The following PRMT8 variants were observed in gnomAD, a reference collection of about 807,000 sequenced individuals.
PRMT8 encodes the protein protein arginine methyltransferase 8.
A neutral mutation model predicts 47.1 loss-of-function variants in PRMT8; 7 were observed. The observed-to-expected ratio is 0.15, with a 90% CI of 0.08 to 0.28. The LOEUF (loss-of-function observed/expected upper bound fraction) is 0.28. Ranked by LOEUF, PRMT8 falls within the 10% of genes least tolerant of loss-of-function variation. PRMT8 has a pLI of 1.00. For synonymous variants in PRMT8, 188 were observed against 186.5 expected (o/e 1.01, Z -0.07); for missense variants, 237 against 505.4 (o/e 0.47, Z 5.09).
chr12:3,558,845 A>G (rs536106874), intron 4 of PRMT8, among the ~76,000 whole-genome samples: 4 of 152,342 alleles, frequency 2.6e-5, no homozygotes, highest in East Asian at 1.9e-4. Flanking sequence ...AGCCTTCGCC[A>G]TGGGAAAGCT....
At chr12:3,546,713 T>A (rs1464586548) in intron 2 of PRMT8, among the ~76,000 whole-genome samples, 1 of 152,186 alleles carries the variant, frequency 6.6e-6, no homozygotes, top group Non-Finnish European at 1.5e-5. Flanking sequence ...CAGGCATATA[T>A]GGTTTTACTG....
At chr12:3,549,186 T>C (rs2159404) in intron 2 of PRMT8, among the ~76,000 whole-genome samples, 60,768 of 152,076 alleles carry the variant, frequency 0.4, 12,539 homozygotes, top group East Asian at 0.49. Context: ...ATTTTGGTTA[T>C]GGTGGTGCTT....
At chr12:3,495,986 T>G (rs917137176) in intron 1 of PRMT8, among the ~76,000 whole-genome samples, 1 of 151,990 alleles carries the variant, frequency 6.6e-6, no homozygotes, top group African/African-American at 2.4e-5. Context: ...CTCATCTGAA[T>G]AGCAGATAAA....
chr12:3,532,611 CAAAAAAAAA>C (rs35698030), intron 1 of PRMT8, among the ~76,000 whole-genome samples: 3 of 24,642 alleles, frequency 1.2e-4, no homozygotes, highest in African/African-American at 3.4e-4. Context: ...GACTCCGTCT[CAAAAAAAAA>C]AAAAAAAAAA....
At chr12:3,475,594 A>C (rs1412350596) in intron 1 of PRMT8, among the ~76,000 whole-genome samples, 1 of 152,208 alleles carries the variant, frequency 6.6e-6, no homozygotes, top group African/African-American at 2.4e-5. Flanking sequence ...AGAGAACGCT[A>C]CCACCTCCTG....
intron 1 of PRMT8, among the ~76,000 whole-genome samples, chr12:3,446,382 G>A (rs779366003): frequency 6.6e-6 from 1 of 151,966 alleles, no homozygotes; most frequent in African/African-American, 2.4e-5. Flanking sequence ...ACTGTGAGCC[G>A]GCTCTCTCTG....
chr12:3,421,620 A>G (rs1441049750), intron 1 of PRMT8, among the ~76,000 whole-genome samples: 1 of 152,170 alleles, frequency 6.6e-6, no homozygotes, highest in Non-Finnish European at 1.5e-5. Context: ...TTTGAGACAC[A>G]AGAGCCTGAT....
chr12:3,546,742 T>C (rs1322183604), intron 2 of PRMT8, among the ~76,000 whole-genome samples: 1 of 152,108 alleles, frequency 6.6e-6, no homozygotes, highest in Non-Finnish European at 1.5e-5. Flanking sequence ...TAATAAACAT[T>C]TAAAGAAGAA....
intron 2 of PRMT8, among the ~76,000 whole-genome samples, chr12:3,543,197 A>G (rs1031384659): frequency 1.3e-5 from 2 of 152,106 alleles, no homozygotes. Context: ...GCTATAGACC[A>G]TCTCATAGGT....
chr12:3,553,306 G>T (rs906077750), intron 3 of PRMT8: 1 of 341,670 alleles, frequency 2.9e-6, no homozygotes, highest in Non-Finnish European at 5.4e-6. Context: ...GCCTTCCCGC[G>T]TCCCCCACGG....
intron 4 of PRMT8, among the ~76,000 whole-genome samples, chr12:3,559,023 A>G (rs1866584222): frequency 6.7e-6 from 1 of 148,180 alleles, no homozygotes; most frequent in African/African-American, 2.5e-5. Flanking sequence ...AATCTATCTA[A>G]TCTAGCTGTC....
At chr12:3,402,000 CA>C (rs1468465007) in intron 1 of PRMT8, among the ~76,000 whole-genome samples, 1 of 152,044 alleles carries the variant, frequency 6.6e-6, no homozygotes, top group East Asian at 1.9e-4. Flanking sequence ...CATATGGAAC[CA>C]AAAAAGAGCC....
intron 1 of PRMT8, among the ~76,000 whole-genome samples, chr12:3,449,542 GA>G (rs1864896368): frequency 1.3e-5 from 2 of 152,166 alleles, no homozygotes; most frequent in Non-Finnish European, 2.9e-5. Flanking sequence ...CTTCTTTTGA[GA>G]AATGTCTGTT....
At chr12:3,435,299 C>T (rs545261978) in intron 1 of PRMT8, among the ~76,000 whole-genome samples, 3 of 152,072 alleles carry the variant, frequency 2.0e-5, no homozygotes, top group African/African-American at 2.4e-5. Context: ...GCAGAAAGGG[C>T]GTTGAGCTGG....
In PRMT8 at chr12:3,466,414, G is replaced by A. The variant is rs527652528; in HGVS notation, c.49-74192G>A. Among the ~76,000 whole-genome samples, 4 of 152,282 alleles carry A rather than the reference G, an allele frequency of 2.6e-5. No homozygotes were observed. In the East Asian group the frequency reaches 7.7e-4, roughly 29 times the overall value. On this transcript the variant is annotated intron_variant, in intron 1 of 9. Coordinates refer to the PRMT8 transcript ENST00000452611. The stretch of plus-strand genomic sequence containing the variant: ...GGCCAGGTCTCACAGTCTGAGTGGA[G>A]TCCTGGCCCTGTTGTAGGTTAGTAG...
Position 3,492,791 on chromosome 12 carries a change from T to A in PRMT8, c.75+1091T>A, listed in dbSNP as rs1865443779. ...GAGTGGGGCATGTGTGTGAAGATCATCCCTTACTCAGTGGCAGGAAAAAGA... is the reference window on the plus strand; with the variant it reads ...GAGTGGGGCATGTGTGTGAAGATCAACCCTTACTCAGTGGCAGGAAAAAGA... On this transcript the variant is annotated intron_variant, in intron 1 of 9. Transcript: ENST00000382622. This position sits in a 1 kb window ranked among gnomAD's most constrained non-coding sequence, Gnocchi z 7.5. 2.0e-5 allele frequency among the ~76,000 whole-genome samples: 3 copies of A among 152,160 alleles called. No individual in the cohort carries two copies. The South Asian group carries it at 6.3e-4, about 32-fold the overall frequency.
At chr12:3,426,238 A>G (rs1056488739) in intron 1 of PRMT8, among the ~76,000 whole-genome samples, 15 of 152,252 alleles carry the variant, frequency 9.9e-5, no homozygotes, top group African/African-American at 3.6e-4. Context: ...ATGTGTGGAC[A>G]GAGTATTTGA....
At chr12:3,548,212 A>G (rs981299572) in intron 2 of PRMT8, among the ~76,000 whole-genome samples, 1 of 152,234 alleles carries the variant, frequency 6.6e-6, no homozygotes, top group African/African-American at 2.4e-5. Context: ...TTTGACATGT[A>G]AAAGCCACAG....
At chr12:3,482,155 G>A (rs1056879074) in intron 1 of PRMT8, among the ~76,000 whole-genome samples, 2 of 152,204 alleles carry the variant, frequency 1.3e-5, no homozygotes, top group African/African-American at 4.8e-5. Flanking sequence ...TATGGGCCAG[G>A]AGGAAAAGGT....
Sources: allele counts gnomAD v4.1 joint callset (sites outside exome capture counted in the v4.1 genomes callset), GRCh38; gene constraint gnomAD v4.1.1; non-coding constraint Gnocchi (gnomAD v3.1); transcripts MANE v1.5; gene names NCBI Gene and HGNC (gene_info 2026-07-23, HGNC 2026-07-21).